Variants in GRIK1 observed in about 807,000 individuals in gnomAD.
GRIK1 encodes the protein glutamate receptor ionotropic, kainate 1.
A neutral mutation model predicts 105.7 loss-of-function variants in GRIK1; 69 were observed. The ratio of observed to expected loss-of-function variants is 0.65; its 90% CI spans 0.54 to 0.80. The LOEUF is 0.80. GRIK1 is among the 30% of genes least tolerant of loss of function. The pLI, the probability that GRIK1 is intolerant of heterozygous loss-of-function variation, is 0.00. For missense variants in GRIK1, 1,109 were observed against 1,167.3 expected, an observed-to-expected ratio of 0.95 and a Z score of 0.73; for synonymous variants, 438 against 431.3, an observed-to-expected ratio of 1.02 and a Z score of -0.19.
At chr21:29,803,697 C>T (rs2066775912) in intron 1 of GRIK1, among the ~76,000 whole-genome samples, 1 of 152,050 alleles carries the variant, frequency 6.6e-6, no homozygotes, top group Non-Finnish European at 1.5e-5. Context: ...TGCAAATCCA[C>T]AATTGGCTTA....
In GRIK1 at chr21:29,883,555, A is replaced by AAAATGAAAT. The variant is rs1446359698; in HGVS notation, c.118+55819_118+55827dup. ...ATTTTCCTTCCAAATAGAAAAAATAAAAATGAAATATAAAAGCTTATTAGA... is the reference window on the plus strand; with the variant it reads ...ATTTTCCTTCCAAATAGAAAAAATAAAAATGAAATAAATGAAATATAAAAGCTTATTAGA... On this transcript the variant is annotated intron_variant, in intron 1 of 17. Transcript: ENST00000327783. 2.8e-4 allele frequency among the ~76,000 whole-genome samples: 42 copies of AAAATGAAAT among 152,038 alleles called. 1 individual carries two copies. Among genetic ancestry groups the AAAATGAAAT allele is most frequent in the African/African-American group, 9.7e-4 (40 of 41,426 alleles).
intron 1 of GRIK1, among the ~76,000 whole-genome samples, chr21:29,783,092 A>G (rs1176901458): frequency 6.6e-6 from 1 of 152,036 alleles, no homozygotes; most frequent in Non-Finnish European, 1.5e-5. Flanking sequence ...ACAATGCTTA[A>G]TTTATCCATC....
intron 7 of GRIK1, among the ~76,000 whole-genome samples, chr21:29,639,428 A>G (rs1457787413): frequency 6.6e-6 from 1 of 152,198 alleles, no homozygotes; most frequent in Non-Finnish European, 1.5e-5. Context: ...TCCTGCAGAT[A>G]GGAGCTAGTG....
At chr21:29,839,650 C>T (rs2067919121) in intron 1 of GRIK1, among the ~76,000 whole-genome samples, 1 of 152,146 alleles carries the variant, frequency 6.6e-6, no homozygotes. Flanking sequence ...TGCAAAAATC[C>T]TACTCTAATA....
intron 16 of GRIK1, among the ~76,000 whole-genome samples, chr21:29,543,749 T>C (rs2090007836): frequency 6.6e-6 from 1 of 152,176 alleles, no homozygotes; most frequent in African/African-American, 2.4e-5. Context: ...GAAGGAAGTC[T>C]AGCCACTGAA....
intron 1 of GRIK1, among the ~76,000 whole-genome samples, chr21:29,779,270 A>G (rs1200883911): frequency 1.3e-5 from 2 of 152,214 alleles, no homozygotes; most frequent in African/African-American, 4.8e-5. Context: ...AATGCCTGTG[A>G]TAAGTCAGAC....
At chr21:29,663,374 G>T (rs886576766) in intron 4 of GRIK1, among the ~76,000 whole-genome samples, 1 of 152,154 alleles carries the variant, frequency 6.6e-6, no homozygotes, top group Non-Finnish European at 1.5e-5. Flanking sequence ...CTGTCTACCC[G>T]TGAGGGAGCC....
rs549312229 is a variant in GRIK1, at chr21:29,880,271, A to G, written c.118+59112T>C. Among the ~76,000 whole-genome samples the G allele has an allele frequency of 2.6e-5, 4 of 152,256 alleles. No homozygotes were observed. In the South Asian group the frequency reaches 8.3e-4, roughly 32 times the overall value. On this transcript the variant is annotated intron_variant, in intron 1 of 17. Coordinates refer to ENST00000327783, the MANE Select transcript of GRIK1 (RefSeq NM_001330994.2). ...TCAGCATAAAACTTCCTACACTGTC[A>G]TTAGAAAAATCTTTACCAACTCATT...
chr21:29,813,566 CTGAG>C (rs1196519563), intron 1 of GRIK1, among the ~76,000 whole-genome samples: 2 of 152,014 alleles, frequency 1.3e-5, no homozygotes, highest in Non-Finnish European at 2.9e-5. Flanking sequence ...TTTGGTATTG[CTGAG>C]TATTACAGAC....
intron 1 of GRIK1, among the ~76,000 whole-genome samples, chr21:29,699,709 C>T (rs577882188): frequency 7.3e-5 from 11 of 150,586 alleles, no homozygotes; most frequent in East Asian, 1.9e-4. Context: ...AGTGCATTGG[C>T]GCAATCTCGG....
chr21:29,682,338 A>T (rs1409261609), intron 3 of GRIK1, among the ~76,000 whole-genome samples: 2 of 152,198 alleles, frequency 1.3e-5, no homozygotes, highest in Non-Finnish European at 2.9e-5. Flanking sequence ...CTGTACATGA[A>T]TGTTCTCAAT....
chr21:29,585,100 G>A (rs2091102180), intron 12 of GRIK1, among the ~76,000 whole-genome samples: 2 of 152,050 alleles, frequency 1.3e-5, no homozygotes, highest in Non-Finnish European at 2.9e-5. Context: ...ACCAAGACAA[G>A]GGCAAGAAGG....
At chr21:29,630,135 G>A (rs1030785361) in intron 7 of GRIK1, among the ~76,000 whole-genome samples, 1 of 152,118 alleles carries the variant, frequency 6.6e-6, no homozygotes, top group Non-Finnish European at 1.5e-5. Context: ...TATTCTAGAC[G>A]GTTTTGAAAA....
intron 4 of GRIK1, among the ~76,000 whole-genome samples, chr21:29,671,573 T>G (rs533826477): frequency 3.3e-5 from 5 of 152,148 alleles, no homozygotes; most frequent in Non-Finnish European, 1.5e-5. Context: ...GGCCAGATGA[T>G]TATTTGAAGA....
chr21:29,758,249 C>T (rs74712585), intron 1 of GRIK1, among the ~76,000 whole-genome samples: 5,901 of 152,222 alleles, frequency 0.039, 163 homozygotes, highest in Middle Eastern at 0.13. Flanking sequence ...TCTGTTCTCG[C>T]GCTGTTAATA....
chr21:29,672,959 C>T (rs2063187228), intron 4 of GRIK1, 24 bp downstream of exon 4: 3 of 1,550,840 alleles, frequency 1.9e-6, no homozygotes, highest in Non-Finnish European at 2.6e-6. Flanking sequence ...TCCCACACCT[C>T]CACCTCCTCC....
chr21:29,703,882 T>C (rs1418720191), intron 1 of GRIK1, among the ~76,000 whole-genome samples: 1 of 152,200 alleles, frequency 6.6e-6, no homozygotes, highest in Non-Finnish European at 1.5e-5. Context: ...AATAACCACA[T>C]CCAGACTCAC....
intron 1 of GRIK1, among the ~76,000 whole-genome samples, chr21:29,877,757 CAGTT>C (rs1422762195): frequency 6.6e-6 from 1 of 152,074 alleles, no homozygotes; most frequent in Non-Finnish European, 1.5e-5. Flanking sequence ...GGCGGTGTCT[CAGTT>C]AGTTGAGAAT....
intron 16 of GRIK1, 35 bp downstream of exon 16, chr21:29,555,017 T>C: frequency 1.3e-5 from 20 of 1,560,828 alleles, no homozygotes; most frequent in Non-Finnish European, 1.8e-5. Context: ...TAATGCAAAC[T>C]ATAAACTAAC....
Sources: allele counts gnomAD v4.1 joint callset (sites outside exome capture counted in the v4.1 genomes callset), GRCh38; gene constraint gnomAD v4.1.1; transcripts MANE v1.5; gene names NCBI Gene and HGNC (gene_info 2026-07-23, HGNC 2026-07-21).